Variants in STRN observed in about 807,000 individuals in gnomAD.
The protein encoded by STRN is protein phosphatase 2 regulatory subunit B'''alpha.
STRN carries 53 observed loss-of-function variants against 96.3 expected under a neutral mutation model. The observed-to-expected ratio is 0.55, with a 90% CI of 0.44 to 0.69. The LOEUF (loss-of-function observed/expected upper bound fraction) is 0.69. STRN is among the 30% of genes least tolerant of loss of function. The pLI is 0.00. For missense variants in STRN, 987 were observed against 963.9 expected, an observed-to-expected ratio of 1.02 and a Z score of -0.32; for synonymous variants, 428 against 355.9, an observed-to-expected ratio of 1.20 and a Z score of -2.28.
At chr2:36,852,884 C>A (rs772085250) in intron 15 of STRN, among the ~76,000 whole-genome samples, 3 of 152,058 alleles carry the variant, frequency 2.0e-5, no homozygotes, top group African/African-American at 7.2e-5. Context: ...TGGCTGGGCA[C>A]GGTAGCTCAC....
chr2:36,911,039 T>G (rs1445159969), intron 3 of STRN, among the ~76,000 whole-genome samples: 4 of 151,854 alleles, frequency 2.6e-5, no homozygotes, highest in Admixed American at 2.0e-4. Context: ...GAACAAAGAA[T>G]GCAAAAAAAA....
chr2:36,883,763 T>G (rs1170537323), intron 9 of STRN, among the ~76,000 whole-genome samples, 169 bp downstream of exon 9: 1 of 152,172 alleles, frequency 6.6e-6, no homozygotes, highest in Non-Finnish European at 1.5e-5. Context: ...AAGATTGAAG[T>G]TGGAATCAAA....
chr2:36,910,206 A>G (rs894295080), intron 3 of STRN, among the ~76,000 whole-genome samples: 3 of 151,872 alleles, frequency 2.0e-5, no homozygotes, highest in African/African-American at 7.3e-5. Flanking sequence ...TTTTTCAGAC[A>G]TACATAAGCT....
chr2:36,958,014 G>A (rs1664939427), intron 1 of STRN, among the ~76,000 whole-genome samples: 1 of 151,060 alleles, frequency 6.6e-6, no homozygotes, highest in African/African-American at 2.4e-5. Context: ...CCGCCTCCTG[G>A]GTTCAAGTGA....
intron 7 of STRN, among the ~76,000 whole-genome samples, chr2:36,892,693 T>C (rs1248384215): frequency 6.6e-6 from 1 of 152,114 alleles, no homozygotes; most frequent in East Asian, 1.9e-4. Context: ...TATCCTCTTC[T>C]GGGAAGAACA....
chr2:36,851,163 AAGG>A, intron 15 of STRN, 56 bp from the exon 16 acceptor site: 2 of 1,440,406 alleles, frequency 1.4e-6, no homozygotes. Context: ...TTTTCACACA[AAGG>A]AGAACTGAAT....
At chr2:36,861,726 C>T (rs989754502) in intron 12 of STRN, among the ~76,000 whole-genome samples, 1 of 57,196 alleles carries the variant, frequency 1.7e-5, no homozygotes, top group African/African-American at 4.6e-5. Context: ...TGTATCATTG[C>T]GTGAGCACAC....
Position 36,849,235 on chromosome 2 carries a change from A to C in STRN, c.*221T>G. 1 of 533,116 alleles carries C rather than the reference A, an allele frequency of 1.9e-6. No individual in the cohort carries two copies. The highest frequency in any genetic ancestry group is 3.2e-6 in the Non-Finnish European group (1 of 308,252). The allele number at this position is 533,116 out of a possible 1,614,324, so 33.0% of individuals were successfully genotyped here. ...CCTATTGGGGAGAAATTTGAAACAG[A>C]CCTCAGGCTCACAGATTCAGCTGAG... is the stretch of plus-strand genomic sequence containing the variant. On this transcript the variant is annotated 3_prime_UTR_variant, in exon 18 of 18. Coordinates refer to ENST00000263918, the MANE Select transcript of STRN (RefSeq NM_003162.4).
chr2:36,921,332 TTCTC>T (rs1670248709), intron 2 of STRN, among the ~76,000 whole-genome samples: 1 of 152,130 alleles, frequency 6.6e-6, no homozygotes, highest in Non-Finnish European at 1.5e-5. Context: ...TCCTCCTTCC[TTCTC>T]TATTTCTTTG....
At chr2:36,937,642 T>C (rs1339046850) in intron 1 of STRN, among the ~76,000 whole-genome samples, 2 of 150,606 alleles carry the variant, frequency 1.3e-5, no homozygotes, top group African/African-American at 4.9e-5. Context: ...CAACTGCACT[T>C]CAACCTGGGC....
intron 1 of STRN, among the ~76,000 whole-genome samples, chr2:36,948,082 T>C (rs10529912): frequency 5.5e-5 from 1 of 18,310 alleles, no homozygotes; most frequent in Non-Finnish European, 1.0e-4. Context: ...CAGTGCACTC[T>C]TTTTTTTTTT....
rs1668013575 is a variant in STRN, at chr2:36,844,263, CCAAA to C, written c.*5189_*5192del. 1 of 152,092 alleles carries C rather than the reference CCAAA, an allele frequency of 6.6e-6. No homozygotes were observed. Among genetic ancestry groups the C allele is most frequent in the Non-Finnish European group, 1.5e-5 (1 of 68,040 alleles). 9.4% of individuals were successfully genotyped at this position (152,092 alleles called of 1,614,324 possible). On this transcript the variant is annotated 3_prime_UTR_variant, in exon 18 of 18. Coordinates refer to ENST00000263918, the MANE Select transcript of STRN (RefSeq NM_003162.4). ...TTTTCTCACAAGAGGCAAACTTCAG[CCAAA>C]CAATGAAGAGATAGTAGGGAGGGAG...
chr2:36,904,969 CT>C (rs199913588), intron 4 of STRN, among the ~76,000 whole-genome samples: 64,457 of 134,562 alleles, frequency 0.48, 14,737 homozygotes, highest in African/African-American at 0.64. Flanking sequence ...ACCAATTGCA[CT>C]TTTTTTTTTT....
At chr2:36,900,272 TATTTC>T (rs1223250385) in intron 5 of STRN, among the ~76,000 whole-genome samples, 2 of 152,192 alleles carry the variant, frequency 1.3e-5, no homozygotes, top group Admixed American at 6.5e-5. Context: ...AACCTTAATG[TATTTC>T]ATTTTAAAAA....
chr2:36,960,417 G>A (rs565082571), intron 1 of STRN, among the ~76,000 whole-genome samples: 15 of 152,266 alleles, frequency 9.9e-5, no homozygotes, highest in Admixed American at 9.8e-4. Context: ...GCCTCAGGAT[G>A]GCACTTGTAT....
At chr2:36,959,885 G>C (rs1463046497) in intron 1 of STRN, among the ~76,000 whole-genome samples, 1 of 152,112 alleles carries the variant, frequency 6.6e-6, no homozygotes, top group Non-Finnish European at 1.5e-5. Flanking sequence ...AATTGATCTG[G>C]GGTAGAGTCC....
intron 1 of STRN, among the ~76,000 whole-genome samples, chr2:36,927,665 A>T (rs1670450894): frequency 6.6e-6 from 1 of 152,162 alleles, no homozygotes; most frequent in African/African-American, 2.4e-5. Flanking sequence ...TCTCATAAAA[A>T]AATTAAAAAT....
At chr2:36,920,358 G>T (rs931770741) in intron 2 of STRN, among the ~76,000 whole-genome samples, 3 of 152,096 alleles carry the variant, frequency 2.0e-5, no homozygotes, top group Admixed American at 6.6e-5. Context: ...ACAAAACCAG[G>T]CTGGGCGCGG....
chr2:36,943,981 G>A (rs760421105), intron 1 of STRN, among the ~76,000 whole-genome samples: 17 of 152,080 alleles, frequency 1.1e-4, no homozygotes, highest in Non-Finnish European at 1.9e-4. Context: ...TTAGCTGGAC[G>A]TGGTGGCGGG....
Sources: allele counts gnomAD v4.1 joint callset (sites outside exome capture counted in the v4.1 genomes callset), GRCh38; gene constraint gnomAD v4.1.1; transcripts MANE v1.5; gene names NCBI Gene and HGNC (gene_info 2026-07-23, HGNC 2026-07-21).